The following WDPCP variants were observed in gnomAD, a reference collection of about 807,000 sequenced individuals.
WDPCP encodes the protein WD repeat containing planar cell polarity effector, also known as WD repeat-containing and planar cell polarity effector protein fritz homolog.
In WDPCP, 71 loss-of-function variants were observed where a neutral mutation model predicts 93.1. The ratio of observed to expected loss-of-function variants is 0.76; its 90% CI spans 0.63 to 0.93. The LOEUF is 0.93. Among genes scored for constraint, WDPCP ranks in the 40% least tolerant of loss-of-function variants. The pLI is 0.00. For missense variants in WDPCP, 844 were observed against 887.4 expected, an observed-to-expected ratio of 0.95 and a Z score of 0.62; for synonymous variants, 315 against 315.0, an observed-to-expected ratio of 1.00 and a Z score of 0.00.
intron 6 of WDPCP, among the ~76,000 whole-genome samples, chr2:63,450,435 C>G (rs548221601): frequency 1.3e-5 from 2 of 152,196 alleles, no homozygotes; most frequent in Admixed American, 6.5e-5. Flanking sequence ...ACTGGCATCA[C>G]CCATACCATG....
intron 13 of WDPCP, among the ~76,000 whole-genome samples, chr2:63,311,950 C>G (rs1384580051): frequency 6.6e-6 from 1 of 151,880 alleles, no homozygotes; most frequent in Non-Finnish European, 1.5e-5. Flanking sequence ...GGAAAATCTA[C>G]CATTATTGGG....
At chr2:63,146,736 A>G (rs1303916986) in intron 17 of WDPCP, among the ~76,000 whole-genome samples, 1 of 152,178 alleles carries the variant, frequency 6.6e-6, no homozygotes, top group Non-Finnish European at 1.5e-5. Context: ...AAGTGTATGG[A>G]TATCTGCAAC....
intron 10 of WDPCP, among the ~76,000 whole-genome samples, chr2:63,392,498 A>G (rs1693346465): frequency 6.6e-6 from 1 of 152,194 alleles, no homozygotes; most frequent in South Asian, 2.1e-4. Flanking sequence ...TGTCTAAAAC[A>G]CCAAAAGCAA....
intron 2 of WDPCP, among the ~76,000 whole-genome samples, chr2:63,812,887 T>A (rs1172445338): frequency 1.3e-5 from 2 of 152,228 alleles, no homozygotes; most frequent in East Asian, 1.9e-4. Context: ...CACTTTATTT[T>A]TTTTTTTTTA....
Position 63,439,808 on chromosome 2 carries a change from C to T in WDPCP, c.448G>A (p.Val150Met). 1 of 1,613,304 alleles carries T rather than the reference C, an allele frequency of 6.2e-7. No individual in the cohort carries two copies. Among genetic ancestry groups the T allele is most frequent in the Non-Finnish European group, 8.5e-7 (1 of 1,179,416 alleles). Residue 150 changes from valine (V) to methionine (M), a missense_variant, in exon 7 of 18, where the codon GTG (valine) becomes ATG (methionine). Coordinates refer to ENST00000272321, the MANE Select transcript of WDPCP (RefSeq NM_015910.7). ...TTCCCCACCAGGCTTCTGTCAATCA[C>T]CACTTTCTCCAGCTGCGGCCCAGAA... The part of the protein sequence containing the change: ...SLSGPQLEKV[V>M]IDRSLVGKLI...
chr2:63,536,344 G>A (rs1371768063), intron 1 of WDPCP, among the ~76,000 whole-genome samples: 4 of 152,180 alleles, frequency 2.6e-5, no homozygotes, highest in Admixed American at 2.6e-4. Flanking sequence ...ATTTGACCCA[G>A]CCATCCCATT....
At chr2:63,635,358 C>T (rs904908064) in intron 3 of WDPCP, among the ~76,000 whole-genome samples, 1 of 152,116 alleles carries the variant, frequency 6.6e-6, no homozygotes, top group Non-Finnish European at 1.5e-5. Context: ...AGAACACTTC[C>T]AACCTCATTT....
intron 9 of WDPCP, among the ~76,000 whole-genome samples, chr2:63,431,458 A>G (rs958877166): frequency 6.6e-6 from 1 of 152,080 alleles, no homozygotes; most frequent in Non-Finnish European, 1.5e-5. Flanking sequence ...TCTTCTCTAC[A>G]AGGCTGTTTT....
chr2:63,143,693 C>T (rs1300588081), intron 17 of WDPCP, among the ~76,000 whole-genome samples: 1 of 152,170 alleles, frequency 6.6e-6, no homozygotes, highest in Non-Finnish European at 1.5e-5. Flanking sequence ...TTGCTTCATA[C>T]ATGATGCTTA....
chr2:63,558,803 CA>C (rs34379211), intron 1 of WDPCP, among the ~76,000 whole-genome samples: 38,994 of 151,740 alleles, frequency 0.26, 5,913 homozygotes, highest in East Asian at 0.71. Context: ...GCCTACCAAC[CA>C]AAAAAACGCC....
At chr2:63,427,006 C>T (rs4671508) in intron 9 of WDPCP, among the ~76,000 whole-genome samples, 122,577 of 152,132 alleles carry the variant, frequency 0.81, 50,040 homozygotes, top group East Asian at 0.98. Flanking sequence ...TACATAATAA[C>T]AATAAAAAAA....
chr2:63,186,538 A>G (rs1674651741), intron 14 of WDPCP, among the ~76,000 whole-genome samples: 1 of 152,220 alleles, frequency 6.6e-6, no homozygotes, highest in Non-Finnish European at 1.5e-5. Flanking sequence ...TTTCTTTCTC[A>G]GTCTCCTGGC....
At chr2:63,578,125 A>G (rs1423662900) in intron 1 of WDPCP, among the ~76,000 whole-genome samples, 1 of 152,240 alleles carries the variant, frequency 6.6e-6, no homozygotes, top group Non-Finnish European at 1.5e-5. Context: ...ATATCTCTTA[A>G]TCAGGCCAAA....
At chr2:63,510,184 C>T (rs1400619548) in intron 1 of WDPCP, among the ~76,000 whole-genome samples, 5 of 152,062 alleles carry the variant, frequency 3.3e-5, no homozygotes, top group South Asian at 2.1e-4. Context: ...AATCCTTATA[C>T]AAATACTGGC....
At chr2:63,348,245 G>T (rs1008191257) in intron 12 of WDPCP, among the ~76,000 whole-genome samples, 1 of 152,098 alleles carries the variant, frequency 6.6e-6, no homozygotes, top group African/African-American at 2.4e-5. Context: ...AATAAATTAG[G>T]AAGCTGGGAT....
intron 2 of WDPCP, among the ~76,000 whole-genome samples, chr2:63,781,120 C>A (rs1259442603): frequency 6.6e-6 from 1 of 152,140 alleles, no homozygotes. Context: ...TATTTCCCCC[C>A]ACTCTGTATT....
At chr2:63,232,766 A>G (rs115758573) in intron 14 of WDPCP, 2,157 of 153,876 alleles carry the variant, frequency 0.014, 16 homozygotes, top group Non-Finnish European at 0.021. Flanking sequence ...TATGTTTGGA[A>G]TATATTTCTC....
chr2:63,248,795 C>A (rs1680487529), intron 14 of WDPCP, among the ~76,000 whole-genome samples: 1 of 151,906 alleles, frequency 6.6e-6, no homozygotes, highest in African/African-American at 2.4e-5. Flanking sequence ...CCTACTCAAA[C>A]CTTGAACTTC....
At chr2:63,676,534 A>T (rs1710405136) in intron 2 of WDPCP, among the ~76,000 whole-genome samples, 1 of 152,298 alleles carries the variant, frequency 6.6e-6, no homozygotes, top group South Asian at 2.1e-4. Context: ...AGTTCAAAAA[A>T]TCTCTACAAA....
Sources: gnomAD v4.1 joint callset for allele counts (sites outside exome capture counted in the v4.1 genomes callset) on GRCh38, gnomAD v4.1.1 for gene constraint, MANE v1.5 for transcripts, NCBI Gene and HGNC (gene_info 2026-07-23, HGNC 2026-07-21) for gene names.